ZFPM1: variants seen among roughly 807,000 people sequenced by gnomAD.
ZFPM1 encodes zinc finger protein, FOG family member 1.
ZFPM1 carries 28 observed loss-of-function variants against 46.3 expected under a neutral mutation model. The observed-to-expected ratio is 0.60, with a 90% CI of 0.45 to 0.83. The LOEUF is 0.83. Among genes scored for constraint, ZFPM1 ranks in the 40% least tolerant of loss-of-function variants. The probability of loss-of-function intolerance (pLI) is 0.00; values close to 1 mark genes in which losing one functional copy is unlikely to be tolerated. For missense variants in ZFPM1, 1,878 were observed against 1,432.4 expected, an observed-to-expected ratio of 1.31 and a Z score of -5.02; for synonymous variants, 957 against 675.9, an observed-to-expected ratio of 1.42 and a Z score of -6.45.
Position 88,533,177 on chromosome 16 carries a change from A to C in ZFPM1, c.1219A>C (p.Thr407Pro). ...DSLGSFQQQHTALQGPLASAD... is the reference protein window; with the variant it reads ...DSLGSFQQQHPALQGPLASAD... ...TCTGGGCAGCTTCCAGCAGCAGCAC[A>C]CGGCCCTGCAAGGCCCCCTGGCCTC... The change falls in exon 10 of 10, where the codon ACG becomes CCG. Residue 407 changes from threonine to proline, a missense_variant. Physicochemically the swap from Thr to Pro is conservative, Grantham distance 38 (BLOSUM62 -1). Transcript: ENST00000319555. 6.6e-7 allele frequency: 1 copy of C among 1,522,036 alleles called. No homozygotes were observed. The highest frequency in any genetic ancestry group is 1.4e-5 in the African/African-American group (1 of 72,496). The allele number at this position is 1,522,036 out of a possible 1,614,324, so 94.3% of individuals were successfully genotyped here. A position where few individuals can be genotyped will look rare whatever the true frequency, so the allele number is the denominator to read the frequency against.
chr16:88,453,198 C>A (rs1288541561), upstream of ZFPM1: 1 of 93,808 alleles, frequency 1.1e-5, no homozygotes, highest in African/African-American at 4.1e-5. Flanking sequence ...GCAGGAGGCA[C>A]GGGGCGGGGC....
At chr16:88,510,326 C>G (rs952988835) in intron 3 of ZFPM1, among the ~76,000 whole-genome samples, 2 of 152,216 alleles carry the variant, frequency 1.3e-5, no homozygotes, top group Admixed American at 6.5e-5. Context: ...CTCCCCTCAG[C>G]CAGGTTCCCC....
intron 1 of ZFPM1, among the ~76,000 whole-genome samples, chr16:88,461,678 A>T (rs1440020466): frequency 6.6e-6 from 1 of 152,076 alleles, no homozygotes; most frequent in African/African-American, 2.4e-5. Context: ...TGAGGGTTGG[A>T]CGTTAAGCAG....
intron 2 of ZFPM1, among the ~76,000 whole-genome samples, chr16:88,488,148 T>C (rs1007980215): frequency 5.9e-5 from 9 of 152,238 alleles, no homozygotes; most frequent in African/African-American, 1.9e-4. Context: ...CCAGCCTTAG[T>C]GCCGCACGCA....
intron 6 of ZFPM1, among the ~76,000 whole-genome samples, chr16:88,529,994 CAGG>C (rs1912659378): frequency 6.6e-6 from 1 of 152,166 alleles, no homozygotes; most frequent in African/African-American, 2.4e-5. Flanking sequence ...CCCAGGGAGC[CAGG>C]AGGTCAGAAG....
chr16:88,519,086 ATGGCTGAGAGTGTGGGTGGATGGG>A (rs1567549214), intron 4 of ZFPM1, among the ~76,000 whole-genome samples: 1 of 90,330 alleles, frequency 1.1e-5, no homozygotes, highest in Non-Finnish European at 2.3e-5. Context: ...GGATGGATGG[ATGGCTGAGAGTGTGGGTGGATGGG>A]TGGATGGATG....
intron 3 of ZFPM1, among the ~76,000 whole-genome samples, chr16:88,491,116 C>T (rs1235990451): frequency 6.6e-6 from 1 of 152,016 alleles, no homozygotes; most frequent in African/African-American, 2.4e-5. Context: ...GGGTCCCAGT[C>T]AGGTGCTGGT....
chr16:88,521,570 C>T (rs1373762432), intron 4 of ZFPM1, among the ~76,000 whole-genome samples: 1 of 144,384 alleles, frequency 6.9e-6, no homozygotes, highest in African/African-American at 2.6e-5. Flanking sequence ...TCCCTCTCCC[C>T]TGTGCTGTTC....
chr16:88,482,867 G>A (rs899339505), intron 1 of ZFPM1, among the ~76,000 whole-genome samples: 5 of 152,204 alleles, frequency 3.3e-5, no homozygotes, highest in Non-Finnish European at 7.3e-5. Flanking sequence ...CCGCCAAGTC[G>A]GGGATGGCCG....
chr16:88,514,327 G>A, intron 3 of ZFPM1, 60 bp from the exon 4 acceptor site: 1 of 1,544,578 alleles, frequency 6.5e-7, no homozygotes, highest in Non-Finnish European at 8.7e-7. Context: ...ACCCTAGCGG[G>A]AGGTGGGCTG....
In ZFPM1 at chr16:88,497,978, C is replaced by T. The variant is rs529111273; in HGVS notation, c.268+8825C>T. On this transcript the variant is annotated intron_variant, in intron 3 of 9. Transcript: ENST00000319555. This position sits in a 1 kb window ranked among gnomAD's most constrained non-coding sequence, Gnocchi z 5.4. Reference sequence around the variant, plus strand: ...ATAGGCGACTGGCTCCCTCCCCACCCGGTGTGCGTGGGTGGGAAATCATTC... The same window carrying T: ...ATAGGCGACTGGCTCCCTCCCCACCTGGTGTGCGTGGGTGGGAAATCATTC... Among the ~76,000 whole-genome samples the T allele has an allele frequency of 2.0e-5, 3 of 152,324 alleles. No homozygotes were observed. The highest frequency in any genetic ancestry group is 7.2e-5 in the African/African-American group (3 of 41,578).
At chr16:88,529,298 G>T (rs980389559) in intron 6 of ZFPM1, among the ~76,000 whole-genome samples, 1 of 152,236 alleles carries the variant, frequency 6.6e-6, no homozygotes, top group Non-Finnish European at 1.5e-5. Context: ...TTTGGAGGGG[G>T]ACGGTAAGAC....
chr16:88,479,386 G>A (rs747420485), intron 1 of ZFPM1, among the ~76,000 whole-genome samples: 15 of 152,192 alleles, frequency 9.9e-5, no homozygotes, highest in Middle Eastern at 3.4e-3. Context: ...CTGGGAGGGC[G>A]CCGCTTGGCT....
chr16:88,499,021 A>G (rs955313897), intron 3 of ZFPM1, among the ~76,000 whole-genome samples: 3 of 152,156 alleles, frequency 2.0e-5, no homozygotes, highest in Non-Finnish European at 4.4e-5. Flanking sequence ...GAGCCCCTGG[A>G]CAGGGTTGAG....
chr16:88,531,213 C>T (rs1912759208), intron 6 of ZFPM1, among the ~76,000 whole-genome samples: 1 of 152,228 alleles, frequency 6.6e-6, no homozygotes, highest in South Asian at 2.1e-4. Context: ...CTGTCTTCAG[C>T]CAAGGGGCCA....
chr16:88,524,470 C>A (rs1219911253), intron 4 of ZFPM1, among the ~76,000 whole-genome samples: 1 of 152,230 alleles, frequency 6.6e-6, no homozygotes, highest in Non-Finnish European at 1.5e-5. Context: ...AGGGGGGCAC[C>A]CACCCGATGC....
intron 1 of ZFPM1, among the ~76,000 whole-genome samples, chr16:88,485,382 C>T (rs1909163651): frequency 6.6e-6 from 1 of 151,268 alleles, no homozygotes; most frequent in Admixed American, 6.6e-5. Flanking sequence ...TGGGCGGAGG[C>T]GACCCTGCAG....
intron 2 of ZFPM1, among the ~76,000 whole-genome samples, chr16:88,488,576 T>C (rs573053374): frequency 7.2e-6 from 1 of 139,132 alleles, no homozygotes; most frequent in Non-Finnish European, 1.6e-5. Flanking sequence ...CGTGACGTCA[T>C]GGGGTGGGGG....
chr16:88,467,621 A>AC (rs1172834803), intron 1 of ZFPM1, among the ~76,000 whole-genome samples: 4 of 152,026 alleles, frequency 2.6e-5, no homozygotes, highest in African/African-American at 4.8e-5. Flanking sequence ...GGACCTCCGG[A>AC]CCCCGGGCCT....
Sources: gnomAD v4.1 joint callset for allele counts (sites outside exome capture counted in the v4.1 genomes callset) on GRCh38, gnomAD v4.1.1 for gene constraint, Gnocchi (gnomAD v3.1) non-coding constraint, MANE v1.5 for transcripts, NCBI Gene and HGNC (gene_info 2026-07-23, HGNC 2026-07-21) for gene names.